Variants in DMBT1 observed in about 807,000 individuals in gnomAD.
DMBT1 encodes deleted in malignant brain tumors 1, also known as scavenger receptor cysteine-rich domain-containing protein DMBT1.
In DMBT1, 198 loss-of-function variants were observed where a neutral mutation model predicts 252.9. The observed-to-expected ratio is 0.78, with a 90% CI of 0.70 to 0.88. The LOEUF (loss-of-function observed/expected upper bound fraction) is 0.88, where lower values mean the gene tolerates loss of function less well. Ranked by LOEUF, DMBT1 falls within the 40% of genes least tolerant of loss-of-function variation. The probability of loss-of-function intolerance (pLI) is 0.00; values close to 1 mark genes in which losing one functional copy is unlikely to be tolerated. For missense variants in DMBT1, 2,432 were observed against 2,404.7 expected, an observed-to-expected ratio of 1.01 and a Z score of -0.24; for synonymous variants, 990 against 942.7, an observed-to-expected ratio of 1.05 and a Z score of -0.92.
intron 54 of DMBT1, among the ~76,000 whole-genome samples, chr10:122,638,555 C>T (rs745694886): frequency 8.5e-5 from 13 of 152,238 alleles, no homozygotes; most frequent in Non-Finnish European, 1.6e-4. Flanking sequence ...AATCTTCCAG[C>T]CTCAGCCTCC....
At position 122,643,415 on chromosome 10, in the gene DMBT1, C is replaced by A; in HGVS notation, c.*17C>A. On this transcript the variant is annotated 3_prime_UTR_variant, in exon 56 of 56. Transcript: ENST00000338354. ...CCTCGGTAGGTGGTCGCTCTCAGAC[C>A]CCACTGTCCACCGGGGCGCAGACCC... The A allele has an allele frequency of 6.2e-7, 1 of 1,603,872 alleles. No homozygotes were observed. The highest frequency in any genetic ancestry group is 8.5e-7 in the Non-Finnish European group (1 of 1,174,618).
chr10:122,630,004 C>G lies in DMBT1; in HGVS notation c.5822+11C>G. The G allele has an allele frequency of 1.2e-6, 2 of 1,613,674 alleles. No individual in the cohort carries two copies. Among genetic ancestry groups the G allele is most frequent in the Non-Finnish European group, 8.5e-7 (1 of 1,179,738 alleles). ...CTTCAGTAATCTGAAGTAAGTAATG[C>G]CTGGTCATCTGGTGAGGGGTGAGTT... On this transcript the variant is annotated intron_variant, in intron 47 of 55. Coordinates refer to ENST00000338354, the MANE Select transcript of DMBT1 (RefSeq NM_001377530.1).
At chr10:122,624,808 C>T (rs752946757) in intron 44 of DMBT1, among the ~76,000 whole-genome samples, 4 of 152,244 alleles carry the variant, frequency 2.6e-5, no homozygotes, top group Non-Finnish European at 4.4e-5. Context: ...GGCTCTCCCA[C>T]AGCTGTCAGC....
chr10:122,593,373 G>GCAA (rs981472463), intron 20 of DMBT1, among the ~76,000 whole-genome samples, 196 bp from the exon 21 acceptor site: 3 of 148,152 alleles, frequency 2.0e-5, no homozygotes, highest in African/African-American at 7.3e-5. Context: ...CTCAGAGCTG[G>GCAA]CAATAGTGGA....
Position 122,599,054 on chromosome 10 carries a change from C to T in DMBT1, c.3237C>T (p.Ser1079=), listed in dbSNP as rs779026799. 2 of 1,613,824 alleles carry T rather than the reference C, an allele frequency of 1.2e-6. No individual in the cohort carries two copies. Among genetic ancestry groups the T allele is most frequent in the Non-Finnish European group, 1.7e-6 (2 of 1,179,748 alleles). Residue 1079 remains serine (S), a synonymous_variant, in exon 26 of 56, where the codon TCC becomes TCT. Transcript: ENST00000338354. The part of the protein sequence containing the change: ...LWSCPHNGWL[S]HNCGHSEDAG... ...GCTGCCCCCACAATGGCTGGCTCTC[C>T]CACAACTGTGGCCATAGTGAAGACG...
intron 2 of DMBT1, among the ~76,000 whole-genome samples, chr10:122,568,396 G>C (rs1026164692): frequency 2.6e-5 from 4 of 152,124 alleles, no homozygotes; most frequent in African/African-American, 9.7e-5. Flanking sequence ...GAGTACATGA[G>C]GTTCTCCAGG....
intron 6 of DMBT1, among the ~76,000 whole-genome samples, chr10:122,574,150 T>A (rs1386071030): frequency 1.3e-5 from 2 of 152,232 alleles, no homozygotes; most frequent in African/African-American, 4.8e-5. Context: ...GCCAAATTGC[T>A]AGGACAGCAT....
rs2097894840 is a variant in DMBT1, at chr10:122,597,602, G to A, written c.2918-372G>A. Among the ~76,000 whole-genome samples the A allele has an allele frequency of 2.0e-5, 3 of 152,286 alleles. No homozygotes were observed. The South Asian group carries it at 6.2e-4, about 32-fold the overall frequency. ...AATATTTCTGGTGCCTCCACTTACT[G>A]GGAAACTTGATACCCCTTTGGTCAG... is the stretch of plus-strand genomic sequence containing the variant. On this transcript the variant is annotated intron_variant, in intron 24 of 55. Transcript: ENST00000338354.
intron 17 of DMBT1, among the ~76,000 whole-genome samples, chr10:122,589,813 A>G (rs1162703901): frequency 1.3e-5 from 2 of 148,296 alleles, no homozygotes; most frequent in Non-Finnish European, 3.0e-5. Flanking sequence ...CTAAGAGAAG[A>G]ACTCACCCCT....
chr10:122,639,640 T>C (rs544636439), intron 54 of DMBT1, among the ~76,000 whole-genome samples: 46 of 152,346 alleles, frequency 3.0e-4, no homozygotes, highest in African/African-American at 1.1e-3. Flanking sequence ...TCTGGATGTA[T>C]ATGTGCAGGC....
rs2098050856 is a variant in DMBT1 at position 122,620,244 on chromosome 10, A to T, written c.5246-9A>T. ...TAATTTTGTCCTTTCTCTTTGTTGC[A>T]ATTTACAGATACTTGGCTGACCACC... is the stretch of plus-strand genomic sequence containing the variant. On this transcript the variant is annotated splice_polypyrimidine_tract_variant and intron_variant, in intron 42 of 55. Transcript: ENST00000338354. The T allele has an allele frequency of 6.2e-7, 1 of 1,613,872 alleles. No homozygotes were observed. The highest frequency in any genetic ancestry group is 8.5e-7 in the Non-Finnish European group (1 of 1,179,866).
Position 122,640,362 on chromosome 10 carries a change from C to T in DMBT1, c.7265C>T (p.Ala2422Val). The change falls in exon 55 of 56, where the codon GCT becomes GTT. Residue 2422 changes from alanine (A) to valine (V), a missense_variant. Ala to Val is a moderately conservative substitution (Grantham distance 64). Coordinates refer to ENST00000338354, the MANE Select transcript of DMBT1 (RefSeq NM_001377530.1). ...CAGGCTGAAATCCTCCATTCTGATG[C>T]TGTACTGACCTTGTTTGTGGACACC... ...YVQAEILHSD[A>V]VLTLFVDTCV... The T allele has an allele frequency of 6.2e-7, 1 of 1,614,072 alleles. No individual in the cohort carries two copies. The highest frequency in any genetic ancestry group is 1.3e-5 in the African/African-American group (1 of 75,076).
Position 122,592,415 on chromosome 10 carries a change from C to T in DMBT1, c.2320C>T (p.Leu774=). The T allele has an allele frequency of 1.3e-6, 2 of 1,588,544 alleles. No individual in the cohort carries two copies. The highest frequency in any genetic ancestry group is 2.3e-5 in the South Asian group (2 of 86,916). ...TGATGCCAATGTGGTCTGCAGGCAG[C>T]TGGGCTGTGGCTGGGCCACGTCGGC... ...TNDANVVCRQ[L]GCGWATSAPG... The change falls in exon 20 of 56, where the codon CTG becomes TTG. Residue 774 remains leucine, a synonymous_variant. Coordinates refer to ENST00000338354, the MANE Select transcript of DMBT1 (RefSeq NM_001377530.1).
chr10:122,562,126 C>A (rs2133492761), intron 1 of DMBT1, among the ~76,000 whole-genome samples: 1 of 151,548 alleles, frequency 6.6e-6, no homozygotes, highest in East Asian at 1.9e-4. Context: ...TTCTACCTTC[C>A]TTCCATCCCT....
At chr10:122,599,199 T>A (rs1053888298) in intron 26 of DMBT1, 102 bp downstream of exon 26, 1 of 1,573,984 alleles carries the variant, frequency 6.4e-7, no homozygotes, top group African/African-American at 1.4e-5. Flanking sequence ...TTCTTCTATG[T>A]TTTCTATATT....
chr10:122,629,901 C>T lies in DMBT1; in HGVS notation c.5730C>T (p.Ser1910=). The part of the protein sequence containing the change: ...FYASGTFSSP[S]YPAYYPNNAK... The stretch of plus-strand genomic sequence containing the variant: ...CCAGTGGGACATTCTCCAGCCCATC[C>T]TACCCTGCATACTACCCCAACAATG... The change falls in exon 47 of 56, where the codon TCC becomes TCT. Residue 1910 remains serine, a synonymous_variant. Transcript: ENST00000338354. 1 of 1,614,032 alleles carries T rather than the reference C, an allele frequency of 6.2e-7. No individual in the cohort carries two copies. Among genetic ancestry groups the T allele is most frequent in the Non-Finnish European group, 8.5e-7 (1 of 1,179,900 alleles).
rs1363111316 is a variant in DMBT1, at chr10:122,643,155, C to A, written c.7386C>A (p.Ser2462=). The change falls in exon 56 of 56, where the codon TCC becomes TCA. Residue 2462 remains serine (S), a synonymous_variant. Coordinates refer to ENST00000338354, the MANE Select transcript of DMBT1 (RefSeq NM_001377530.1). Reference sequence around the variant, plus strand: ...GGGATGACACCTACGGACCCTACTCCTCGCCATCTCTTCGCATTGCCCGCT... The same window carrying A: ...GGGATGACACCTACGGACCCTACTCATCGCCATCTCTTCGCATTGCCCGCT... The part of the protein sequence containing the change: ...CVRDDTYGPY[S]SPSLRIARFR... 1 of 1,613,966 alleles carries A rather than the reference C, an allele frequency of 6.2e-7. No individual in the cohort carries two copies. The highest frequency in any genetic ancestry group is 2.2e-5 in the East Asian group (1 of 44,876).
At position 122,618,335 on chromosome 10, in the gene DMBT1, GC is replaced by G. The variant is rs1198361583; in HGVS notation, c.5211del (p.Ser1738GlnfsTer15). The G allele has an allele frequency of 6.2e-7, 1 of 1,613,760 alleles. No homozygotes were observed. The highest frequency in any genetic ancestry group is 1.3e-5 in the African/African-American group (1 of 74,934). ...CGHHEDAGVI[C>X]SAAQSQSTPR... ...CATCATGAAGATGCTGGTGTCATCT[GC>G]TCAGGTGGGCTTTCAAGACCTTGGG... On this transcript the variant is annotated frameshift_variant, in exon 41 of 56. Coordinates refer to ENST00000338354, the MANE Select transcript of DMBT1 (RefSeq NM_001377530.1). LOFTEE classifies it high-confidence loss of function.
chr10:122,631,367 G>C, intron 49 of DMBT1, 86 bp downstream of exon 49: 1 of 1,513,620 alleles, frequency 6.6e-7, no homozygotes, highest in East Asian at 2.3e-5. Flanking sequence ...TGGTGTCTGT[G>C]GCCCAGGCAG....
Sources: gnomAD v4.1 joint callset for allele counts (sites outside exome capture counted in the v4.1 genomes callset) on GRCh38, gnomAD v4.1.1 for gene constraint, MANE v1.5 for transcripts, NCBI Gene and HGNC (gene_info 2026-07-23, HGNC 2026-07-21) for gene names.